The following IGFBP2 variants were observed in gnomAD, a reference collection of about 807,000 sequenced individuals.
IGFBP2 encodes insulin-like growth factor-binding protein 2.
A neutral mutation model predicts 26.2 loss-of-function variants in IGFBP2; 12 were observed. The ratio of observed to expected loss-of-function variants is 0.46; its 90% CI spans 0.29 to 0.74. The LOEUF (loss-of-function observed/expected upper bound fraction) is 0.74. Ranked by LOEUF, IGFBP2 falls within the 30% of genes least tolerant of loss-of-function variation. The pLI is 0.09. For missense variants in IGFBP2, 328 were observed against 441.2 expected (o/e 0.74, Z 2.30); for synonymous variants, 189 against 200.6 (o/e 0.94, Z 0.49).
intron 2 of IGFBP2, chr2:216,661,498 G>T: frequency 2.6e-6 from 1 of 378,544 alleles, no homozygotes; most frequent in East Asian, 6.6e-5. Flanking sequence ...GGCCCTGGTT[G>T]GTTTTATGGA....
chr2:216,647,583 G>T (rs997718143), intron 1 of IGFBP2, among the ~76,000 whole-genome samples: 5 of 152,188 alleles, frequency 3.3e-5, no homozygotes, highest in Non-Finnish European at 7.3e-5. Flanking sequence ...GCAGTGGCGT[G>T]ATCTCGGCTT....
chr2:216,647,524 A>G (rs1219542431), intron 1 of IGFBP2, among the ~76,000 whole-genome samples: 1 of 151,826 alleles, frequency 6.6e-6, no homozygotes, highest in African/African-American at 2.4e-5. Flanking sequence ...TTATTTATTT[A>G]TTTTATTTAT....
intron 1 of IGFBP2, 123 bp downstream of exon 1, chr2:216,634,088 G>A: frequency 7.3e-7 from 1 of 1,367,510 alleles, no homozygotes; most frequent in Non-Finnish European, 9.5e-7. Context: ...CCAAATCAAG[G>A]GGGACTGTTG....
chr2:216,649,187 A>G (rs1395096324), intron 1 of IGFBP2, among the ~76,000 whole-genome samples: 1 of 152,224 alleles, frequency 6.6e-6, no homozygotes, highest in Non-Finnish European at 1.5e-5. Flanking sequence ...GAAAATGCAC[A>G]TAAAGGTTTT....
intron 1 of IGFBP2, among the ~76,000 whole-genome samples, chr2:216,640,349 C>A (rs568505205): frequency 6.6e-6 from 1 of 152,276 alleles, no homozygotes; most frequent in South Asian, 2.1e-4. Context: ...TAAGAGTTAG[C>A]ACTAGCGCTG....
At chr2:216,641,773 T>C (rs1697618883) in intron 1 of IGFBP2, among the ~76,000 whole-genome samples, 2 of 146,520 alleles carry the variant, frequency 1.4e-5, no homozygotes, top group South Asian at 4.4e-4. Flanking sequence ...CACTGCAAGC[T>C]CCACCTCCTG....
chr2:216,633,628 C>G lies in IGFBP2; in HGVS notation c.105C>G (p.Arg35=). 2.9e-6 allele frequency: 3 copies of G among 1,024,760 alleles called. No individual in the cohort carries two copies. Among genetic ancestry groups the G allele is most frequent in the Non-Finnish European group, 2.3e-6 (2 of 858,234 alleles). The allele number at this position is 1,024,760 out of a possible 1,614,324, so 63.5% of individuals were successfully genotyped here. A position where few individuals can be genotyped will look rare whatever the true frequency, so the allele number is the denominator to read the frequency against. Residue 35 remains arginine, a synonymous_variant, in exon 1 of 4, where the codon CGC becomes CGG. Coordinates refer to ENST00000233809, the MANE Select transcript of IGFBP2 (RefSeq NM_000597.3). ...LGASGGGGGA[R]AEVLFRCPPC... Reference sequence around the variant, plus strand: ...CGAGTGGCGGCGGCGGCGGGGCGCGCGCGGAGGTGCTGTTCCGCTGCCCGC... The same window carrying G: ...CGAGTGGCGGCGGCGGCGGGGCGCGGGCGGAGGTGCTGTTCCGCTGCCCGC...
At chr2:216,661,332 G>A (rs1247271725) in intron 2 of IGFBP2, 4 of 276,628 alleles carry the variant, frequency 1.4e-5, no homozygotes, top group African/African-American at 2.2e-5. Flanking sequence ...TCAAACTCCT[G>A]GACTCAAGCA....
rs528830011 is a variant in IGFBP2 at position 216,633,446 on chromosome 2, C to A, written c.-78C>A. ...AGGAAGAAGCGGAGGAGGCGGCTCC[C>A]GCGCTCGCAGGGCCGTGCCACCTGC... On this transcript the variant is annotated 5_prime_UTR_variant, in exon 1 of 4. Transcript: ENST00000233809. The A allele has an allele frequency of 1.0e-3, 265 of 259,160 alleles. 3 individuals carry two copies. The highest frequency in any genetic ancestry group is 5.6e-3 in the African/African-American group (242 of 43,378). The allele number at this position is 259,160 out of a possible 1,614,324, so 16.1% of individuals were successfully genotyped here.
intron 2 of IGFBP2, chr2:216,661,535 G>A (rs1327204753): frequency 1.4e-5 from 6 of 423,432 alleles, no homozygotes; most frequent in African/African-American, 6.1e-5. Flanking sequence ...GCATGGGGTG[G>A]GGGCATGGAG....
intron 1 of IGFBP2, among the ~76,000 whole-genome samples, chr2:216,635,160 T>C (rs975903068): frequency 2.0e-5 from 3 of 152,116 alleles, no homozygotes; most frequent in Non-Finnish European, 2.9e-5. Context: ...TTTTTTTCCC[T>C]GTTCTCCTTG....
chr2:216,648,301 C>G (rs572114302), intron 1 of IGFBP2, among the ~76,000 whole-genome samples: 17 of 152,338 alleles, frequency 1.1e-4, no homozygotes, highest in African/African-American at 4.1e-4. Flanking sequence ...CCTGAGTCAT[C>G]TTGATTACTT....
chr2:216,646,000 G>T (rs749017252), intron 1 of IGFBP2, among the ~76,000 whole-genome samples: 1 of 152,200 alleles, frequency 6.6e-6, no homozygotes, highest in Non-Finnish European at 1.5e-5. Flanking sequence ...TAATTGATGT[G>T]ATATACTATC....
intron 1 of IGFBP2, among the ~76,000 whole-genome samples, chr2:216,649,570 T>C (rs934146746): frequency 1.8e-4 from 27 of 152,212 alleles, no homozygotes; most frequent in African/African-American, 6.0e-4. Context: ...CAAGGAGAAA[T>C]GTTTGGGACC....
intron 1 of IGFBP2, among the ~76,000 whole-genome samples, chr2:216,652,170 ATT>A (rs1165765392): frequency 2.5e-4 from 33 of 130,876 alleles, no homozygotes; most frequent in African/African-American, 3.7e-4. Context: ...TTTTAGCAGA[ATT>A]TTTTTTTTTT....
At chr2:216,641,892 G>C (rs1268945886) in intron 1 of IGFBP2, among the ~76,000 whole-genome samples, 1 of 151,400 alleles carries the variant, frequency 6.6e-6, no homozygotes, top group African/African-American at 2.4e-5. Context: ...GGGTTTCACA[G>C]TGTTAGCCAG....
upstream of IGFBP2, chr2:216,633,031 A>T (rs191165673): frequency 3.3e-4 from 50 of 152,332 alleles, no homozygotes; most frequent in African/African-American, 1.2e-3. Context: ...ACGGAGCCTT[A>T]TGTCTTTTGT....
Position 216,660,599 on chromosome 2 carries a change from A to C in IGFBP2, c.485A>C (p.His162Pro). 1 of 1,613,658 alleles carries C rather than the reference A, an allele frequency of 6.2e-7. No individual in the cohort carries two copies. The highest frequency in any genetic ancestry group is 1.1e-5 in the South Asian group (1 of 91,026). The change falls in exon 2 of 4, where the codon CAC becomes CCC. Residue 162 changes from histidine to proline, a missense_variant. Physicochemically the swap from His to Pro is moderately conservative, Grantham distance 77. Transcript: ENST00000233809. ...DHSEGGLVEN[H>P]VDSTMNMLGG... ...TCAGAAGGAGGCCTGGTGGAGAACC[A>C]CGTGGACAGCACCATGAACATGTTG...
At chr2:216,650,676 A>G (rs570102020) in intron 1 of IGFBP2, among the ~76,000 whole-genome samples, 1 of 152,316 alleles carries the variant, frequency 6.6e-6, no homozygotes, top group South Asian at 2.1e-4. Context: ...GATGATTCTC[A>G]GAAGAGAAAG....
Sources: allele counts gnomAD v4.1 joint callset (sites outside exome capture counted in the v4.1 genomes callset), GRCh38; gene constraint gnomAD v4.1.1; transcripts MANE v1.5; gene names NCBI Gene and HGNC (gene_info 2026-07-23, HGNC 2026-07-21).